SLF1: variants seen among roughly 807,000 people sequenced by gnomAD.
The protein encoded by SLF1 is SMC5-SMC6 complex localization factor protein 1.
A neutral mutation model predicts 123.0 loss-of-function variants in SLF1; 105 were observed. The observed-to-expected ratio is 0.85, with a 90% CI of 0.73 to 1.00. The LOEUF (loss-of-function observed/expected upper bound fraction) is 1.00, where lower values mean the gene tolerates loss of function less well. Among genes scored for constraint, SLF1 ranks in the 50% least tolerant of loss-of-function variants. The pLI, the probability that SLF1 is intolerant of heterozygous loss-of-function variation, is 0.00. For synonymous variants in SLF1, 434 were observed against 406.6 expected (o/e 1.07, Z -0.81); for missense variants, 1,239 against 1,223.0 (o/e 1.01, Z -0.20).
chr5:94,629,306 A>AT (rs1469005677), intron 3 of SLF1, 139 bp downstream of exon 3: 1 of 619,774 alleles, frequency 1.6e-6, no homozygotes, highest in African/African-American at 1.9e-5. Context: ...TATTTAATAT[A>AT]TTTTTTGGCT....
intron 4 of SLF1, among the ~76,000 whole-genome samples, chr5:94,631,286 C>T (rs1055033702): frequency 7.9e-5 from 12 of 151,822 alleles, no homozygotes; most frequent in African/African-American, 2.9e-4. Flanking sequence ...CAATAACATG[C>T]ACACAAATTA....
chr5:94,673,428 A>G (rs1188819136), intron 14 of SLF1, among the ~76,000 whole-genome samples: 2 of 152,176 alleles, frequency 1.3e-5, no homozygotes, highest in East Asian at 3.9e-4. Context: ...TAATCCCAGC[A>G]CTTTGATATG....
chr5:94,659,589 G>A (rs1242172981), intron 9 of SLF1, among the ~76,000 whole-genome samples: 1 of 152,124 alleles, frequency 6.6e-6, no homozygotes, highest in Non-Finnish European at 1.5e-5. Flanking sequence ...TTCTTCATCT[G>A]TAGTCATCCA....
At chr5:94,652,689 A>C (rs1208918200) in intron 7 of SLF1, among the ~76,000 whole-genome samples, 2 of 152,188 alleles carry the variant, frequency 1.3e-5, no homozygotes, top group African/African-American at 4.8e-5. Flanking sequence ...ATACATATTT[A>C]GTAATTTCTC....
At chr5:94,662,441 T>TAA (rs1390803354) in intron 10 of SLF1, 90 bp downstream of exon 10, 14 of 1,093,434 alleles carry the variant, frequency 1.3e-5, no homozygotes, top group Non-Finnish European at 1.8e-5. Flanking sequence ...TAATGTGTTG[T>TAA]ATGCACAATA....
intron 9 of SLF1, 107 bp from the exon 10 acceptor site, chr5:94,662,191 A>G: frequency 2.4e-6 from 2 of 819,040 alleles, no homozygotes; most frequent in Non-Finnish European, 3.6e-6. Flanking sequence ...ATAGCTATTA[A>G]TGTGTTCCTG....
intron 5 of SLF1, among the ~76,000 whole-genome samples, chr5:94,644,782 A>G (rs1746825764): frequency 6.6e-6 from 1 of 152,182 alleles, no homozygotes; most frequent in Non-Finnish European, 1.5e-5. Context: ...TTTACAGTTA[A>G]GTAATTGATT....
intron 12 of SLF1, 118 bp from the exon 13 acceptor site, chr5:94,670,033 C>G: frequency 9.4e-7 from 1 of 1,059,588 alleles, no homozygotes; most frequent in Non-Finnish European, 1.3e-6. Flanking sequence ...GTTGAACTTT[C>G]TATTTTAAGA....
intron 3 of SLF1, among the ~76,000 whole-genome samples, chr5:94,630,044 T>G (rs1323531301): frequency 1.3e-5 from 2 of 152,200 alleles, no homozygotes; most frequent in Non-Finnish European, 2.9e-5. Flanking sequence ...AAATTTGTTT[T>G]ACAGAGTAAT....
intron 1 of SLF1, among the ~76,000 whole-genome samples, chr5:94,628,328 A>G (rs1744818930): frequency 6.6e-6 from 1 of 151,670 alleles, no homozygotes; most frequent in Non-Finnish European, 1.5e-5. Context: ...TAGTAGAGGC[A>G]GGGTTTCACC....
intron 4 of SLF1, among the ~76,000 whole-genome samples, chr5:94,640,809 A>G (rs142141642): frequency 0.03 from 4,499 of 152,224 alleles, 94 homozygotes; most frequent in Non-Finnish European, 0.049. Flanking sequence ...TACCATTTCC[A>G]TTGAACTCTC....
At chr5:94,682,868 A>G (rs190993045) in intron 15 of SLF1, among the ~76,000 whole-genome samples, 60 of 152,394 alleles carry the variant, frequency 3.9e-4, no homozygotes, top group Admixed American at 3.1e-3. Flanking sequence ...AGTACCAGAC[A>G]GTAAATATTA....
chr5:94,647,612 G>C (rs569664500), intron 5 of SLF1, among the ~76,000 whole-genome samples: 42 of 152,244 alleles, frequency 2.8e-4, no homozygotes, highest in African/African-American at 9.4e-4. Context: ...GGCTTTCCTA[G>C]ATTATAAAAG....
At chr5:94,659,772 C>T (rs892830867) in intron 9 of SLF1, among the ~76,000 whole-genome samples, 6 of 152,162 alleles carry the variant, frequency 3.9e-5, no homozygotes, top group Non-Finnish European at 7.4e-5. Context: ...GGACACCAGT[C>T]ATCACAGGTC....
intron 9 of SLF1, among the ~76,000 whole-genome samples, chr5:94,659,373 GT>G (rs1748799265): frequency 1.3e-5 from 2 of 151,834 alleles, no homozygotes; most frequent in Non-Finnish European, 1.5e-5. Context: ...GAGAATTATT[GT>G]GTTCCTTTAC....
At chr5:94,678,984 A>G in intron 15 of SLF1, 29 bp downstream of exon 15, 2 of 1,602,110 alleles carry the variant, frequency 1.2e-6, no homozygotes, top group African/African-American at 1.3e-5. Flanking sequence ...TGTTTTTTTC[A>G]GACCCATTCT....
rs1411602752 is a variant in SLF1, at chr5:94,629,077, GATTTTTCCCTCCAGA to G, written c.115-13_116del. The G allele has an allele frequency of 6.5e-7, 1 of 1,528,234 alleles. No homozygotes were observed. Among genetic ancestry groups the G allele is most frequent in the South Asian group, 1.3e-5 (1 of 79,622 alleles). 94.7% of individuals were successfully genotyped at this position (1,528,234 alleles called of 1,614,324 possible). A position where few individuals can be genotyped will look rare whatever the true frequency, so the allele number is the denominator to read the frequency against. On this transcript the variant is annotated splice_acceptor_variant and splice_polypyrimidine_tract_variant and coding_sequence_variant and intron_variant, in exon 3 of 21. Coordinates refer to ENST00000265140, the MANE Select transcript of SLF1 (RefSeq NM_032290.4). LOFTEE classifies it high-confidence loss of function. ...TACTTTAGTAACATTTCTTGATGTG[GATTTTTCCCTCCAGA>G]AATACAAAAATTGTACACATCTTAT...
chr5:94,652,060 T>C (rs1488134524), intron 7 of SLF1, among the ~76,000 whole-genome samples: 1 of 151,590 alleles, frequency 6.6e-6, no homozygotes, highest in African/African-American at 2.4e-5. Flanking sequence ...CAGGCTGGAA[T>C]GCACTGGCAC....
At chr5:94,658,821 G>C (rs111395665) in intron 9 of SLF1, among the ~76,000 whole-genome samples, 2 of 149,618 alleles carry the variant, frequency 1.3e-5, no homozygotes, top group South Asian at 2.1e-4. Flanking sequence ...CTTTTTTTTC[G>C]TTTTGTCTGT....
Sources: gnomAD v4.1 joint callset for allele counts (sites outside exome capture counted in the v4.1 genomes callset) on GRCh38, gnomAD v4.1.1 for gene constraint, MANE v1.5 for transcripts, NCBI Gene and HGNC (gene_info 2026-07-23, HGNC 2026-07-21) for gene names.